VPS13C: variants seen among roughly 807,000 people sequenced by gnomAD.
The protein encoded by VPS13C is intermembrane lipid transfer protein VPS13C.
VPS13C carries 358 observed loss-of-function variants against 456.8 expected under a neutral mutation model. The observed-to-expected ratio is 0.78, with a 90% CI of 0.72 to 0.86. VPS13C has a LOEUF of 0.86. VPS13C is among the 40% of genes least tolerant of loss of function. VPS13C has a pLI of 0.00. For synonymous variants in VPS13C, 1,578 were observed against 1,486.7 expected, an observed-to-expected ratio of 1.06 and a Z score of -1.41; for missense variants, 4,818 against 4,385.4, an observed-to-expected ratio of 1.10 and a Z score of -2.79.
chr15:61,875,989 A>C, intron 75 of VPS13C, 144 bp from the exon 76 acceptor site: 3 of 579,036 alleles, frequency 5.2e-6, no homozygotes, highest in East Asian at 3.1e-5. Context: ...ACCTCCACTA[A>C]TGGATCTTTT....
chr15:62,008,821 T>A, intron 13 of VPS13C, 60 bp from the exon 14 acceptor site: 1 of 1,048,802 alleles, frequency 9.5e-7, no homozygotes, highest in South Asian at 2.2e-5. Flanking sequence ...AAAGACTAAA[T>A]TTAATTCTAT....
At chr15:61,959,349 T>G in intron 36 of VPS13C, 99 bp downstream of exon 36, 1 of 1,066,114 alleles carries the variant, frequency 9.4e-7, no homozygotes, top group Non-Finnish European at 1.3e-6. Flanking sequence ...TCTCTTATAC[T>G]ATTCAGCAAA....
intron 62 of VPS13C, among the ~76,000 whole-genome samples, chr15:61,912,943 C>T (rs2043347752): frequency 6.6e-6 from 1 of 151,452 alleles, no homozygotes; most frequent in Admixed American, 6.6e-5. Flanking sequence ...CTCACCATCA[C>T]CGGCCATCAG....
At chr15:62,010,947 A>G (rs1054531421) in intron 12 of VPS13C, among the ~76,000 whole-genome samples, 5 of 152,150 alleles carry the variant, frequency 3.3e-5, no homozygotes, top group African/African-American at 1.2e-4. Context: ...TTATTCATTA[A>G]AAATACTAAT....
intron 15 of VPS13C, among the ~76,000 whole-genome samples, 183 bp from the exon 16 acceptor site, chr15:62,000,809 T>C (rs938669218): frequency 2.0e-5 from 3 of 152,146 alleles, no homozygotes; most frequent in African/African-American, 4.8e-5. Flanking sequence ...TAAGAGAAAA[T>C]AAGTTTTCTA....
At chr15:62,045,147 T>C (rs2048361171) in intron 1 of VPS13C, among the ~76,000 whole-genome samples, 1 of 152,134 alleles carries the variant, frequency 6.6e-6, no homozygotes, top group South Asian at 2.1e-4. Flanking sequence ...CTCAAAATTA[T>C]TAAACATTTA....
chr15:61,966,191 A>T (rs759032585), intron 29 of VPS13C, 49 bp from the exon 30 acceptor site: 5 of 1,312,066 alleles, frequency 3.8e-6, no homozygotes, highest in Admixed American at 2.0e-5. Flanking sequence ...ATCGAAGTAA[A>T]TAAATCACTT....
chr15:62,012,737 T>C (rs2047090591), intron 11 of VPS13C, among the ~76,000 whole-genome samples: 1 of 151,792 alleles, frequency 6.6e-6, no homozygotes, highest in Non-Finnish European at 1.5e-5. Flanking sequence ...TGATATGAAA[T>C]ATCAGAATGT....
At chr15:62,022,826 C>G (rs1036567242) in intron 8 of VPS13C, among the ~76,000 whole-genome samples, 2 of 151,854 alleles carry the variant, frequency 1.3e-5, no homozygotes, top group African/African-American at 2.4e-5. Context: ...GCATATTGTT[C>G]AAAATATGTG....
chr15:62,006,838 C>T (rs2046867313), intron 15 of VPS13C, among the ~76,000 whole-genome samples: 1 of 152,128 alleles, frequency 6.6e-6, no homozygotes, highest in Admixed American at 6.5e-5. Context: ...TTTTGATTTG[C>T]ATTTCTCTGA....
At chr15:61,945,974 T>C in intron 44 of VPS13C, 92 bp from the exon 45 acceptor site, 2 of 1,105,302 alleles carry the variant, frequency 1.8e-6, no homozygotes, top group Non-Finnish European at 2.4e-6. Flanking sequence ...TACAGAATCC[T>C]TGATAAGTAG....
chr15:62,056,829 TTCTCTCTGTCTCCTCTC>T (rs1031524053), intron 1 of VPS13C, among the ~76,000 whole-genome samples: 1 of 152,156 alleles, frequency 6.6e-6, no homozygotes, highest in African/African-American at 2.4e-5. Flanking sequence ...TAAGCTATCT[TTCTCTCTGTCTCCTCTC>T]TCTCTCTGCC....
At chr15:61,895,607 T>C (rs917766744) in intron 66 of VPS13C, among the ~76,000 whole-genome samples, 2 of 152,094 alleles carry the variant, frequency 1.3e-5, no homozygotes, top group Non-Finnish European at 2.9e-5. Context: ...AAGACAGAGA[T>C]AAATTTCTGG....
At chr15:62,017,494 T>C (rs996551512) in intron 9 of VPS13C, among the ~76,000 whole-genome samples, 1 of 152,198 alleles carries the variant, frequency 6.6e-6, no homozygotes, top group Non-Finnish European at 1.5e-5. Context: ...AGTTTCAGCT[T>C]TCTACATATG....
intron 50 of VPS13C, 85 bp downstream of exon 50, chr15:61,931,005 T>C: frequency 6.7e-7 from 1 of 1,493,062 alleles, no homozygotes; most frequent in East Asian, 2.3e-5. Context: ...CTTTTTTGGA[T>C]GATCCCTAGC....
Position 61,974,360 on chromosome 15 carries a change from C to T in VPS13C, c.2466G>A (p.Met822Ile). The stretch of plus-strand genomic sequence containing the variant: ...TGTTCATCAAATATAGCACATCTTT[C>T]ATCTTCTGGTCAGAAATTCTCACAT... Reference protein sequence around the residue: ...LMHVRISDQKMKDVLYLMNSI... With the variant: ...LMHVRISDQKIKDVLYLMNSI... Residue 822 changes from methionine (M) to isoleucine (I), a missense_variant, in exon 25 of 85, where the codon ATG becomes ATA. Transcript: ENST00000644861. 6.2e-7 allele frequency: 1 copy of T among 1,612,758 alleles called. No homozygotes were observed. The highest frequency in any genetic ancestry group is 8.5e-7 in the Non-Finnish European group (1 of 1,179,090).
intron 18 of VPS13C, among the ~76,000 whole-genome samples, chr15:61,985,813 T>C (rs2046031000): frequency 6.6e-6 from 1 of 152,024 alleles, no homozygotes; most frequent in East Asian, 1.9e-4. Flanking sequence ...GATCCTGGAA[T>C]TTGGGGACCT....
At chr15:62,000,972 C>T (rs1029811350) in intron 15 of VPS13C, among the ~76,000 whole-genome samples, 1 of 152,102 alleles carries the variant, frequency 6.6e-6, no homozygotes, top group East Asian at 1.9e-4. Context: ...ACTTCTAACT[C>T]CCCCCATTCT....
At chr15:61,919,822 T>C (rs1350314902) in intron 57 of VPS13C, among the ~76,000 whole-genome samples, 3 of 147,670 alleles carry the variant, frequency 2.0e-5, no homozygotes, top group Non-Finnish European at 3.0e-5. Context: ...ATAATATTTA[T>C]ATATATTATA....
Sources: gnomAD v4.1 joint callset for allele counts (sites outside exome capture counted in the v4.1 genomes callset) on GRCh38, gnomAD v4.1.1 for gene constraint, MANE v1.5 for transcripts, NCBI Gene and HGNC (gene_info 2026-07-23, HGNC 2026-07-21) for gene names.